The following HERPUD2 variants were observed in gnomAD, a reference collection of about 807,000 sequenced individuals.
HERPUD2 encodes homocysteine-responsive endoplasmic reticulum-resident ubiquitin-like domain member 2 protein.
Under a neutral mutation model 49.9 loss-of-function variants are expected in HERPUD2, and 13 were observed. The observed-to-expected ratio is 0.26, with a 90% confidence interval of 0.17 to 0.41. The LOEUF is 0.41. Ranked by LOEUF, HERPUD2 falls within the 10% of genes least tolerant of loss-of-function variation. The pLI, the probability that HERPUD2 is intolerant of heterozygous loss-of-function variation, is 1.00. For synonymous variants in HERPUD2, 172 were observed against 171.4 expected (o/e 1.00, Z -0.03); for missense variants, 449 against 492.2 (o/e 0.91, Z 0.83).
intron 5 of HERPUD2, among the ~76,000 whole-genome samples, chr7:35,657,754 CAAA>C (rs769917771): frequency 7.9e-6 from 1 of 127,346 alleles, no homozygotes. Flanking sequence ...CTAAAAAATA[CAAA>C]AAAAAAAAAA....
At chr7:35,655,325 C>G (rs765041786) in intron 5 of HERPUD2, among the ~76,000 whole-genome samples, 1 of 152,160 alleles carries the variant, frequency 6.6e-6, no homozygotes, top group African/African-American at 2.4e-5. Flanking sequence ...AAATCCTCAA[C>G]AAAATACAGC....
intron 5 of HERPUD2, among the ~76,000 whole-genome samples, chr7:35,656,950 C>T (rs1272657057): frequency 6.6e-6 from 1 of 151,254 alleles, no homozygotes; most frequent in Non-Finnish European, 1.5e-5. Context: ...GATATAGGTC[C>T]CATCAAAAAT....
At position 35,634,305 on chromosome 7, in the gene HERPUD2, C is replaced by T. The variant is rs1489108697; in HGVS notation, c.1059+7G>A. On this transcript the variant is annotated splice_region_variant and intron_variant, in intron 8 of 8. Transcript: ENST00000311350. ...ATCTTAAGTATACAAAAGCTTCAAT[C>T]ACATACCATTTCTTCAAGTTCCAAG... 2 of 1,567,560 alleles carry T rather than the reference C, an allele frequency of 1.3e-6. No homozygotes were observed. The highest frequency in any genetic ancestry group is 3.3e-5 in the Admixed American group (2 of 59,920).
rs1341163797 is a variant in HERPUD2 at position 35,633,841 on chromosome 7, A to G, written c.1070T>C (p.Met357Thr). 1.9e-6 allele frequency: 3 copies of G among 1,613,118 alleles called. No individual in the cohort carries two copies. The highest frequency in any genetic ancestry group is 1.7e-5 in the Admixed American group (1 of 59,764). The change falls in exon 9 of 9, where the codon ATG becomes ACG. Residue 357 changes from methionine to threonine, a missense_variant. Met to Thr is a moderately conservative substitution (Grantham distance 81, BLOSUM62 -1). Transcript: ENST00000311350. ...NLELEEMERL[M>T]DDGLEDESGE... is the part of the protein sequence containing the mutation. The stretch of plus-strand genomic sequence containing the variant: ...ACTCTCATCTTCAAGCCCATCATCC[A>G]TAAGACGCTCCTTTCAAGCAAAACA...
intron 2 of HERPUD2, among the ~76,000 whole-genome samples, chr7:35,679,265 C>T (rs556991491): frequency 3.3e-5 from 5 of 152,280 alleles, no homozygotes; most frequent in South Asian, 2.1e-4. Flanking sequence ...ATGGGTCCCA[C>T]GCATACAAAT....
intron 2 of HERPUD2, among the ~76,000 whole-genome samples, chr7:35,691,946 C>T (rs1328631064): frequency 6.6e-6 from 1 of 152,074 alleles, no homozygotes; most frequent in Non-Finnish European, 1.5e-5. Flanking sequence ...AATTCTATGA[C>T]GATAAACACA....
chr7:35,665,248 A>C (rs1397879184), intron 5 of HERPUD2, among the ~76,000 whole-genome samples: 2 of 152,162 alleles, frequency 1.3e-5, no homozygotes, highest in Non-Finnish European at 2.9e-5. Context: ...GGCCTCCTTG[A>C]GCTGAGGTGG....
At chr7:35,686,822 T>C (rs1421683068) in intron 2 of HERPUD2, among the ~76,000 whole-genome samples, 3 of 2,534 alleles carry the variant, frequency 1.2e-3, no homozygotes, top group Non-Finnish European at 1.8e-3. Flanking sequence ...GGGGGGGGGG[T>C]GGGGGGGTGG....
chr7:35,657,743 A>AC lies in HERPUD2; in HGVS notation c.494+9690dup, dbSNP rs557281382. ...GCTAACACTGTGAAACCCCGTCTCTACTAAAAAATACAAAAAAAAAAAAAA... is the reference window on the plus strand; with the variant it reads ...GCTAACACTGTGAAACCCCGTCTCTACCTAAAAAATACAAAAAAAAAAAAAA... On this transcript the variant is annotated intron_variant, in intron 5 of 8. Coordinates refer to ENST00000311350, the MANE Select transcript of HERPUD2 (RefSeq NM_022373.5). Among the ~76,000 whole-genome samples the AC allele has an allele frequency of 3.3e-5, 5 of 150,622 alleles. No individual in the cohort carries two copies. In the South Asian group the frequency reaches 1.1e-3, roughly 32 times the overall value.
chr7:35,662,380 T>C (rs1583554289), intron 5 of HERPUD2, among the ~76,000 whole-genome samples: 1 of 152,230 alleles, frequency 6.6e-6, no homozygotes. Context: ...AGGATGATAC[T>C]GGCCTCATAA....
At chr7:35,646,983 AACC>A (rs1785065496) in intron 5 of HERPUD2, among the ~76,000 whole-genome samples, 1 of 146,242 alleles carries the variant, frequency 6.8e-6, no homozygotes, top group Admixed American at 6.8e-5. Flanking sequence ...ATGAAAAAAA[AACC>A]AAGAAGGAGA....
At chr7:35,688,885 A>T (rs546357889) in intron 2 of HERPUD2, among the ~76,000 whole-genome samples, 1 of 152,124 alleles carries the variant, frequency 6.6e-6, no homozygotes, top group Non-Finnish European at 1.5e-5. Flanking sequence ...AAAAAAAATC[A>T]CCAAGCCTCG....
chr7:35,665,494 C>T (rs1785518093), intron 5 of HERPUD2, among the ~76,000 whole-genome samples: 2 of 152,182 alleles, frequency 1.3e-5, no homozygotes, highest in Admixed American at 1.3e-4. Context: ...GGGAGTATCC[C>T]GATTTTCCAG....
chr7:35,647,152 C>T (rs928486565), intron 5 of HERPUD2, among the ~76,000 whole-genome samples: 2 of 151,984 alleles, frequency 1.3e-5, no homozygotes, highest in Non-Finnish European at 2.9e-5. Flanking sequence ...GCCTTGCTTC[C>T]CCCACCACTC....
chr7:35,676,817 T>C (rs1785770177), intron 2 of HERPUD2, among the ~76,000 whole-genome samples: 1 of 152,226 alleles, frequency 6.6e-6, no homozygotes, highest in Non-Finnish European at 1.5e-5. Flanking sequence ...TGTACTAATT[T>C]GTTTTATCCT....
rs114138488 is a variant in HERPUD2, at chr7:35,685,825, G to A, written c.147+8359C>T. 5.0e-3 allele frequency among the ~76,000 whole-genome samples: 753 copies of A among 152,038 alleles called. 7 individuals carry two copies. The highest frequency in any genetic ancestry group is 0.017 in the African/African-American group (706 of 41,508). On this transcript the variant is annotated intron_variant, in intron 2 of 8. Coordinates refer to ENST00000311350, the MANE Select transcript of HERPUD2 (RefSeq NM_022373.5). Reference sequence around the variant, plus strand: ...GAAACCTCATCTCTACTAAAAATACGTGGCAGCAGCAGGTGTGGTGGCAGG... The same window carrying A: ...GAAACCTCATCTCTACTAAAAATACATGGCAGCAGCAGGTGTGGTGGCAGG...
intron 5 of HERPUD2, 68 bp downstream of exon 5, chr7:35,667,366 G>A (rs1437192402): frequency 5.0e-6 from 7 of 1,405,572 alleles, no homozygotes; most frequent in African/African-American, 1.4e-5. Context: ...AGGCTATAGT[G>A]AAACTCAAAA....
chr7:35,692,672 T>C (rs1786218275), intron 2 of HERPUD2, among the ~76,000 whole-genome samples: 1 of 152,242 alleles, frequency 6.6e-6, no homozygotes, highest in South Asian at 2.1e-4. Flanking sequence ...AAAATATTTG[T>C]ATCACAAAGT....
intron 5 of HERPUD2, among the ~76,000 whole-genome samples, chr7:35,661,351 T>TG (rs1785417258): frequency 6.6e-6 from 1 of 152,216 alleles, no homozygotes; most frequent in South Asian, 2.1e-4. Context: ...AGGACTGACT[T>TG]GGCAATGCGG....
Sources: gnomAD v4.1 joint callset for allele counts (sites outside exome capture counted in the v4.1 genomes callset) on GRCh38, gnomAD v4.1.1 for gene constraint, MANE v1.5 for transcripts, NCBI Gene and HGNC (gene_info 2026-07-23, HGNC 2026-07-21) for gene names.